The following IGSF11 variants were observed in gnomAD, a reference collection of about 807,000 sequenced individuals.
IGSF11 encodes immunoglobulin superfamily member 11.
IGSF11 carries 22 observed loss-of-function variants against 41.0 expected under a neutral mutation model. The ratio of observed to expected loss-of-function variants is 0.54; its 90% CI spans 0.38 to 0.77. The LOEUF (loss-of-function observed/expected upper bound fraction) is 0.77, where lower values mean the gene tolerates loss of function less well. Among genes scored for constraint, IGSF11 ranks in the 30% least tolerant of loss-of-function variants. The pLI, the probability that IGSF11 is intolerant of heterozygous loss-of-function variation, is 0.00. For missense variants in IGSF11, 444 were observed against 530.8 expected, an observed-to-expected ratio of 0.84 and a Z score of 1.61; for synonymous variants, 219 against 201.3, an observed-to-expected ratio of 1.09 and a Z score of -0.74.
At chr3:119,118,828 C>G (rs1479642400) in intron 1 of IGSF11, among the ~76,000 whole-genome samples, 1 of 152,158 alleles carries the variant, frequency 6.6e-6, no homozygotes, top group East Asian at 1.9e-4. Context: ...GCCAGATACC[C>G]CTAAATCATC....
At chr3:118,916,161 T>C (rs1028088846) in intron 4 of IGSF11, among the ~76,000 whole-genome samples, 2 of 149,562 alleles carry the variant, frequency 1.3e-5, no homozygotes, top group African/African-American at 5.0e-5. Context: ...CATGCCAAAA[T>C]GTAAAGACCA....
At chr3:119,036,784 T>G (rs552235195), upstream of IGSF11, among the ~76,000 whole-genome samples, 1 of 152,308 alleles carries the variant, frequency 6.6e-6, no homozygotes, top group Non-Finnish European at 1.5e-5. Flanking sequence ...CAGATAGAGT[T>G]CTGCCTCTTT....
chr3:118,944,364 A>C (rs1288016008), intron 1 of IGSF11, among the ~76,000 whole-genome samples: 1 of 151,912 alleles, frequency 6.6e-6, no homozygotes, highest in African/African-American at 2.4e-5. Context: ...CCAGTCTTAC[A>C]GTACTTTCTT....
At chr3:119,023,311 A>G (rs1006318451) in intron 1 of IGSF11, among the ~76,000 whole-genome samples, 7 of 150,610 alleles carry the variant, frequency 4.6e-5, no homozygotes, top group Non-Finnish European at 1.0e-4. Flanking sequence ...GAGGAAAGAA[A>G]GGATAGTAAG....
chr3:119,012,169 A>C (rs1247436907), intron 1 of IGSF11, among the ~76,000 whole-genome samples: 1 of 152,182 alleles, frequency 6.6e-6, no homozygotes, highest in Admixed American at 6.5e-5. Context: ...CAATATCCCA[A>C]AAAATACCCT....
chr3:119,074,746 G>C (rs2076463738), intron 1 of IGSF11, among the ~76,000 whole-genome samples: 1 of 152,056 alleles, frequency 6.6e-6, no homozygotes, highest in Non-Finnish European at 1.5e-5. Context: ...CAGATACTCA[G>C]GAGGCTGAGG....
At chr3:119,089,951 G>A (rs566821902) in intron 1 of IGSF11, among the ~76,000 whole-genome samples, 1 of 152,144 alleles carries the variant, frequency 6.6e-6, no homozygotes, top group Admixed American at 6.5e-5. Flanking sequence ...CTTGAACCTG[G>A]GAGGCAGAGG....
Position 119,113,377 on chromosome 3 carries a change from A to C in IGSF11, c.-13-8172T>G, listed in dbSNP as rs190392082. ...GTTATTTACAAGATACAATGAGGAT[A>C]TGGGCATTGGAAAAATACTCCTGTT... On this transcript the variant is annotated intron_variant, in intron 1 of 7. Coordinates refer to the IGSF11 transcript ENST00000425327. Among the ~76,000 whole-genome samples, 14 of 152,364 alleles carry C rather than the reference A, an allele frequency of 9.2e-5. 1 individual carries two copies. Among genetic ancestry groups the C allele is most frequent in the African/African-American group, 3.1e-4 (13 of 41,592 alleles).
At chr3:119,055,537 C>T (rs1196475408) in intron 1 of IGSF11, among the ~76,000 whole-genome samples, 1 of 152,088 alleles carries the variant, frequency 6.6e-6, no homozygotes, top group Admixed American at 6.6e-5. Flanking sequence ...TTTTAACAAC[C>T]CACTGTCAAC....
upstream of IGSF11, among the ~76,000 whole-genome samples, chr3:119,106,809 T>C (rs939052409): frequency 1.3e-5 from 2 of 150,634 alleles, no homozygotes; most frequent in Non-Finnish European, 3.0e-5. Context: ...CATTGTTCAA[T>C]TCCCACCTAT....
chr3:118,923,617 C>T (rs547530916), intron 4 of IGSF11, among the ~76,000 whole-genome samples: 17 of 152,152 alleles, frequency 1.1e-4, no homozygotes, highest in Non-Finnish European at 2.1e-4. Context: ...ATTATTGGAA[C>T]GCTAAGCATG....
intron 1 of IGSF11, among the ~76,000 whole-genome samples, chr3:119,121,205 T>A (rs1312479883): frequency 6.6e-6 from 1 of 152,018 alleles, no homozygotes; most frequent in Non-Finnish European, 1.5e-5. Flanking sequence ...AAAAAGCAAC[T>A]AATAGAAAAT....
chr3:119,112,376 G>C (rs2077188788), intron 1 of IGSF11, among the ~76,000 whole-genome samples: 1 of 152,184 alleles, frequency 6.6e-6, no homozygotes, highest in Admixed American at 6.5e-5. Flanking sequence ...GCGAGACTCT[G>C]TGGGCGTAGG....
At chr3:118,969,938 C>G (rs1463703302) in intron 1 of IGSF11, among the ~76,000 whole-genome samples, 1 of 152,196 alleles carries the variant, frequency 6.6e-6, no homozygotes, top group Non-Finnish European at 1.5e-5. Flanking sequence ...AGCCTTCTGT[C>G]AAGTCTGGCT....
chr3:119,076,283 T>C (rs528680017), intron 1 of IGSF11, among the ~76,000 whole-genome samples: 18 of 152,316 alleles, frequency 1.2e-4, no homozygotes, highest in African/African-American at 3.8e-4. Flanking sequence ...AAGACTTAAA[T>C]GTTAGACCTA....
intron 1 of IGSF11, among the ~76,000 whole-genome samples, chr3:118,953,210 G>C (rs1944703561): frequency 6.6e-6 from 1 of 152,118 alleles, no homozygotes; most frequent in Non-Finnish European, 1.5e-5. Context: ...CCAGGTTGCT[G>C]TAAATACCAT....
chr3:118,925,708 G>A (rs1294080782), intron 4 of IGSF11, among the ~76,000 whole-genome samples: 1 of 152,078 alleles, frequency 6.6e-6, no homozygotes, highest in Non-Finnish European at 1.5e-5. Context: ...CTGAAAGCAG[G>A]AGGATCAACC....
chr3:119,048,948 C>T (rs1387421004), intron 1 of IGSF11, among the ~76,000 whole-genome samples: 2 of 152,134 alleles, frequency 1.3e-5, no homozygotes, highest in Non-Finnish European at 2.9e-5. Flanking sequence ...AATTCAACAG[C>T]CCTTCATGGT....
intron 1 of IGSF11, among the ~76,000 whole-genome samples, chr3:119,093,196 G>A (rs1301173547): frequency 2.0e-5 from 3 of 152,214 alleles, no homozygotes; most frequent in Non-Finnish European, 4.4e-5. Context: ...TTAACTCACA[G>A]AAGACACTAA....
Sources: gnomAD v4.1 joint callset for allele counts (sites outside exome capture counted in the v4.1 genomes callset) on GRCh38, gnomAD v4.1.1 for gene constraint, MANE v1.5 for transcripts, NCBI Gene and HGNC (gene_info 2026-07-23, HGNC 2026-07-21) for gene names.